The following ZNF462 variants were observed in gnomAD, a reference collection of about 807,000 sequenced individuals.
ZNF462 encodes zinc finger protein 462.
Under a neutral mutation model 201.9 loss-of-function variants are expected in ZNF462, and 10 were observed. That is an observed-to-expected ratio of 0.05 (90% CI 0.03 to 0.08). The LOEUF is 0.08. ZNF462 is among the 10% of genes least tolerant of loss of function. The pLI is 1.00. For missense variants in ZNF462, 2,523 were observed against 3,168.3 expected (o/e 0.80, Z 4.89); for synonymous variants, 1,227 against 1,193.3 (o/e 1.03, Z -0.58).
rs1261789563 is a variant in ZNF462 at position 106,933,808 on chromosome 9, T to C, written c.6116+1259T>C. Among the ~76,000 whole-genome samples the C allele has an allele frequency of 2.6e-5, 4 of 152,048 alleles. No homozygotes were observed. The East Asian group carries it at 7.7e-4, about 29-fold the overall frequency. ...TGGGTGAAGTCTTAAAGTAGGAAAA[T>C]AGGACTTGAATAGTTTGGAAAGGAC... On this transcript the variant is annotated intron_variant, in intron 5 of 12. Coordinates refer to ENST00000277225, the MANE Select transcript of ZNF462 (RefSeq NM_021224.6). This position sits in a 1 kb window ranked among gnomAD's most constrained non-coding sequence, Gnocchi z 4.3.
intron 1 of ZNF462, among the ~76,000 whole-genome samples, chr9:106,896,179 C>G (rs1396228974): frequency 6.6e-6 from 1 of 152,104 alleles, no homozygotes; most frequent in African/African-American, 2.4e-5. Context: ...AAGAACATGC[C>G]TTATACCAGC....
rs1183606293 is a variant in ZNF462, at chr9:106,870,895, T to C, written c.-31+7540T>C. On this transcript the variant is annotated intron_variant, in intron 1 of 12. Coordinates refer to ENST00000277225, the MANE Select transcript of ZNF462 (RefSeq NM_021224.6). This position sits in a 1 kb window ranked among gnomAD's most constrained non-coding sequence, Gnocchi z 4.3. ...CAGAACACACGCTAAGGCCTCCAAATTTTGGAATTCTTCTTTTTCCTGTTC... is the reference window on the plus strand; with the variant it reads ...CAGAACACACGCTAAGGCCTCCAAACTTTGGAATTCTTCTTTTTCCTGTTC... Among the ~76,000 whole-genome samples, 1 of 152,166 alleles carries C rather than the reference T, an allele frequency of 6.6e-6. No homozygotes were observed. Among genetic ancestry groups the C allele is most frequent in the African/African-American group, 2.4e-5 (1 of 41,436 alleles).
chr9:106,943,055 C>CGTGTGTGTGTGT (rs771634911), intron 7 of ZNF462, among the ~76,000 whole-genome samples: 244 of 81,168 alleles, frequency 3.0e-3, no homozygotes, highest in African/African-American at 0.012. Context: ...TTGTTTTGCG[C>CGTGTGTGTGTGT]GCGCGTGTGT....
At chr9:106,916,001 TTGAGCAAATGA>T (rs1244495355) in intron 1 of ZNF462, among the ~76,000 whole-genome samples, 1 of 152,186 alleles carries the variant, frequency 6.6e-6, no homozygotes, top group Non-Finnish European at 1.5e-5. Flanking sequence ...TCTGAATTTT[TTGAGCAAATGA>T]TGAGCATACA....
intron 1 of ZNF462, among the ~76,000 whole-genome samples, chr9:106,887,701 C>T (rs539568325): frequency 1.3e-5 from 2 of 152,198 alleles, no homozygotes; most frequent in Admixed American, 6.5e-5. Context: ...TTTAATGAGA[C>T]AAATGAACTG....
At position 106,925,010 on chromosome 9, in the gene ZNF462, A is replaced by T. The variant is rs1307955264; in HGVS notation, c.1098A>T (p.Gly366=). The T allele has an allele frequency of 6.2e-7, 1 of 1,614,082 alleles. No individual in the cohort carries two copies. Among genetic ancestry groups the T allele is most frequent in the Non-Finnish European group, 8.5e-7 (1 of 1,180,038 alleles). The part of the protein sequence containing the change: ...LVNLTERSRY[G]MTDMTNSSAD... The stretch of plus-strand genomic sequence containing the variant: ...ACTTGACAGAGAGATCCCGTTATGG[A>T]ATGACTGACATGACCAATTCTTCTG... Residue 366 remains glycine, a synonymous_variant, in exon 3 of 13, where the codon GGA becomes GGT. Coordinates refer to ENST00000277225, the MANE Select transcript of ZNF462 (RefSeq NM_021224.6). This position sits in a 1 kb window ranked among gnomAD's most constrained non-coding sequence, Gnocchi z 7.9.
rs554901474 is a variant in ZNF462, at chr9:106,968,285, T to C, written c.6428-3720T>C. ...CCAATTAGACCGCACACCATAGTTG[T>C]GAGAATTAATTGCTGGCTTCTGAAT... On this transcript the variant is annotated intron_variant, in intron 7 of 12. Transcript: ENST00000277225. This position sits in a 1 kb window ranked among gnomAD's most constrained non-coding sequence, Gnocchi z 4.0. Among the ~76,000 whole-genome samples, 1 of 152,312 alleles carries C rather than the reference T, an allele frequency of 6.6e-6. No individual in the cohort carries two copies. The highest frequency in any genetic ancestry group is 2.4e-5 in the African/African-American group (1 of 41,598).
Position 106,932,886 on chromosome 9 carries a change from G to A in ZNF462, c.6116+337G>A, listed in dbSNP as rs1830480448. On this transcript the variant is annotated intron_variant, in intron 5 of 12. Transcript: ENST00000277225. This position sits in a 1 kb window ranked among gnomAD's most constrained non-coding sequence, Gnocchi z 6.8. ...CAGCCAAAATCTAGTCATTGTTTGA[G>A]GAAGTAAAGTCCATTTAGAAAACTG... is the stretch of plus-strand genomic sequence containing the variant. 1 of 400,670 alleles carries A rather than the reference G, an allele frequency of 2.5e-6. No homozygotes were observed. The allele number at this position is 400,670 out of a possible 1,614,324, so 24.8% of individuals were successfully genotyped here.
rs4743038 is a variant in ZNF462, at chr9:106,883,706, A to T, written c.-31+20351A>T. Among the ~76,000 whole-genome samples the T allele has an allele frequency of 0.2, 29,986 of 152,148 alleles. 2,965 individuals are homozygous for T. The highest frequency in any genetic ancestry group is 0.28 in the South Asian group (1,327 of 4,818). ...GGGATTAGTAAATCTTTTCCTCTGA[A>T]GTTTGGATGCGGTTCAAAGCTAAGA... is the stretch of plus-strand genomic sequence containing the variant. On this transcript the variant is annotated intron_variant, in intron 1 of 12. Transcript: ENST00000277225. This position sits in a 1 kb window ranked among gnomAD's most constrained non-coding sequence, Gnocchi z 4.9.
chr9:106,929,796 C>T lies in ZNF462; in HGVS notation c.5847+37C>T. ...TTTTGATTTCCCTTCCCCCAGGAGG[C>T]CTCTCATCACTGGTGCCCACATGCA... is the stretch of plus-strand genomic sequence containing the variant. On this transcript the variant is annotated intron_variant, in intron 3 of 12. Coordinates refer to ENST00000277225, the MANE Select transcript of ZNF462 (RefSeq NM_021224.6). The surrounding 1 kb of genome is among the most constrained non-coding windows in gnomAD (Gnocchi z 8.7). 6.4e-7 allele frequency: 1 copy of T among 1,556,150 alleles called. No homozygotes were observed. Among genetic ancestry groups the T allele is most frequent in the African/African-American group, 1.4e-5 (1 of 73,792 alleles).
At position 106,880,249 on chromosome 9, in the gene ZNF462, G is replaced by A. The variant is rs774261423; in HGVS notation, c.-31+16894G>A. On this transcript the variant is annotated intron_variant, in intron 1 of 12. Coordinates refer to ENST00000277225, the MANE Select transcript of ZNF462 (RefSeq NM_021224.6). The surrounding 1 kb of genome is among the most constrained non-coding windows in gnomAD (Gnocchi z 4.1). Reference sequence around the variant, plus strand: ...AAAGCCTGACTCTTCAGATATTCCCGAATGCTGAAATCTTCTCTGCATCAG... The same window carrying A: ...AAAGCCTGACTCTTCAGATATTCCCAAATGCTGAAATCTTCTCTGCATCAG... Among the ~76,000 whole-genome samples, 9 of 152,134 alleles carry A rather than the reference G, an allele frequency of 5.9e-5. No individual in the cohort carries two copies. Among genetic ancestry groups the A allele is most frequent in the South Asian group, 2.1e-4 (1 of 4,826 alleles).
At chr9:106,889,240 C>A (rs1431712148) in intron 1 of ZNF462, among the ~76,000 whole-genome samples, 2 of 152,138 alleles carry the variant, frequency 1.3e-5, no homozygotes, top group Non-Finnish European at 2.9e-5. Context: ...TCCTCCCCAC[C>A]CCTTTTAAAA....
chr9:106,958,847 C>T (rs1415097615), intron 7 of ZNF462, among the ~76,000 whole-genome samples: 7 of 152,126 alleles, frequency 4.6e-5, no homozygotes, highest in African/African-American at 9.6e-5. Context: ...GTTGGAGTGT[C>T]AGGTAAGGTG....
chr9:106,864,038 G>GGCTCGCGC (rs1564062245), intron 1 of ZNF462, among the ~76,000 whole-genome samples: 1 of 55,310 alleles, frequency 1.8e-5, no homozygotes. Context: ...TCAGGTATTT[G>GGCTCGCGC]GCTCTCTCTC....
chr9:106,908,901 C>CCATATATA (rs1240675469), intron 1 of ZNF462, among the ~76,000 whole-genome samples: 9 of 88,182 alleles, frequency 1.0e-4, no homozygotes, highest in African/African-American at 4.4e-4. Flanking sequence ...GAATATTTGC[C>CCATATATA]CATATATACA....
intron 10 of ZNF462, among the ~76,000 whole-genome samples, chr9:106,989,839 A>T (rs1406871167): frequency 1.3e-5 from 2 of 152,138 alleles, no homozygotes; most frequent in African/African-American, 4.8e-5. Flanking sequence ...AGGTGTTCAT[A>T]GTAGCCTTGA....
Position 106,972,070 on chromosome 9 carries a change from G to A in ZNF462, c.6493G>A (p.Ala2165Thr). The A allele has an allele frequency of 6.2e-7, 1 of 1,614,154 alleles. No homozygotes were observed. Residue 2165 changes from alanine to threonine, a missense_variant, in exon 8 of 13, where the codon GCA becomes ACA. Around this residue, in one of 15 missense-constraint regions of ZNF462, gnomAD observed 138 missense variants for 146.3 expected, o/e 0.94. Coordinates refer to ENST00000277225, the MANE Select transcript of ZNF462 (RefSeq NM_021224.6). This position sits in a 1 kb window ranked among gnomAD's most constrained non-coding sequence, Gnocchi z 4.8. Reference protein sequence around the residue: ...QLNHYQSAALARNNSRVSPVP... With the variant: ...QLNHYQSAALTRNNSRVSPVP... ...GAACCACTATCAGTCAGCTGCCCTG[G>A]CAAGGAACAACAGCCGTGTTAGCCC...
rs1284149125 is a variant in ZNF462 at position 106,913,460 on chromosome 9, C to T, written c.-30-9894C>T. Reference sequence around the variant, plus strand: ...CTGGGGATATAAGAATAAAAAAGAACGTATTACTTGTCCTCTGAAGAGTGA... The same window carrying T: ...CTGGGGATATAAGAATAAAAAAGAATGTATTACTTGTCCTCTGAAGAGTGA... On this transcript the variant is annotated intron_variant, in intron 1 of 12. Transcript: ENST00000277225. The surrounding 1 kb of genome is among the most constrained non-coding windows in gnomAD (Gnocchi z 4.1). 2.6e-5 allele frequency among the ~76,000 whole-genome samples: 4 copies of T among 152,104 alleles called. No homozygotes were observed. Among genetic ancestry groups the T allele is most frequent in the Non-Finnish European group, 4.4e-5 (3 of 68,016 alleles).
chr9:106,938,785 C>A lies in ZNF462; in HGVS notation c.6236-131C>A. On this transcript the variant is annotated intron_variant, in intron 6 of 12. Coordinates refer to ENST00000277225, the MANE Select transcript of ZNF462 (RefSeq NM_021224.6). This position sits in a 1 kb window ranked among gnomAD's most constrained non-coding sequence, Gnocchi z 4.4. ...TGGCAGGTTGTTGGTCTGTGAGGTT[C>A]GTTCATAGAACATGAAGCTTGAGAT... is the stretch of plus-strand genomic sequence containing the variant. 1.1e-6 allele frequency: 1 copy of A among 922,704 alleles called. No homozygotes were observed. Among genetic ancestry groups the A allele is most frequent in the Non-Finnish European group, 1.6e-6 (1 of 628,228 alleles). 57.2% of individuals were successfully genotyped at this position (922,704 alleles called of 1,614,324 possible).
Sources: gnomAD v4.1 joint callset for allele counts (sites outside exome capture counted in the v4.1 genomes callset) on GRCh38, gnomAD v4.1.1 for gene constraint, gnomAD v4.1.1 regional missense constraint, Gnocchi (gnomAD v3.1) non-coding constraint, MANE v1.5 for transcripts, NCBI Gene and HGNC (gene_info 2026-07-23, HGNC 2026-07-21) for gene names.